Variants in PPM1L observed in about 807,000 individuals in gnomAD.
PPM1L encodes the protein protein phosphatase, Mg2+/Mn2+ dependent 1L.
Under a neutral mutation model 31.4 loss-of-function variants are expected in PPM1L, and 13 were observed. The ratio of observed to expected loss-of-function variants is 0.41; its 90% CI spans 0.27 to 0.66. The LOEUF (loss-of-function observed/expected upper bound fraction) is 0.66, where lower values mean the gene tolerates loss of function less well. Ranked by LOEUF, PPM1L falls within the 30% of genes least tolerant of loss-of-function variation. The probability of loss-of-function intolerance (pLI) is 0.29; values close to 1 mark genes in which losing one functional copy is unlikely to be tolerated. For missense variants in PPM1L, 326 were observed against 453.7 expected, an observed-to-expected ratio of 0.72 and a Z score of 2.56; for synonymous variants, 184 against 175.4, an observed-to-expected ratio of 1.05 and a Z score of -0.39.
At position 161,073,901 on chromosome 3, in the gene PPM1L, A is replaced by G. The variant is rs1720020603; in HGVS notation, c.*4744A>G. On this transcript the variant is annotated 3_prime_UTR_variant, in exon 4 of 4. Coordinates refer to ENST00000498165, the MANE Select transcript of PPM1L (RefSeq NM_139245.4). ...ATGAATAATGAGCAAGAGCCCTGCCATAGCTAAATATGTCTCAAATTCATT... is the reference window on the plus strand; with the variant it reads ...ATGAATAATGAGCAAGAGCCCTGCCGTAGCTAAATATGTCTCAAATTCATT... 1 of 152,218 alleles carries G rather than the reference A, an allele frequency of 6.6e-6. No homozygotes were observed. The highest frequency in any genetic ancestry group is 6.5e-5 in the Admixed American group (1 of 15,280). 9.4% of individuals were successfully genotyped at this position (152,218 alleles called of 1,614,324 possible).
Position 160,807,750 on chromosome 3 carries a change from T to A in PPM1L, c.399+51043T>A, listed in dbSNP as rs140906850. Reference sequence around the variant, plus strand: ...AAGAGTTGAGGAAACATTTATGAATTGGGATTGCTTTTATTTTGGAGAATA... The same window carrying A: ...AAGAGTTGAGGAAACATTTATGAATAGGGATTGCTTTTATTTTGGAGAATA... On this transcript the variant is annotated intron_variant, in intron 1 of 3. Transcript: ENST00000498165. Among the ~76,000 whole-genome samples, 25 of 151,820 alleles carry A rather than the reference T, an allele frequency of 1.6e-4. No homozygotes were observed. The East Asian group carries it at 4.8e-3, about 29-fold the overall frequency.
intron 1 of PPM1L, among the ~76,000 whole-genome samples, chr3:160,784,584 G>A (rs1210633575): frequency 1.3e-5 from 2 of 152,176 alleles, no homozygotes; most frequent in Non-Finnish European, 2.9e-5. Flanking sequence ...AGGCTTTAAA[G>A]TTTACCTTGT....
At chr3:160,844,628 A>G (rs956719896) in intron 1 of PPM1L, among the ~76,000 whole-genome samples, 1 of 152,054 alleles carries the variant, frequency 6.6e-6, no homozygotes. Context: ...ATGATTTACA[A>G]CTTGTTAGTT....
intron 2 of PPM1L, among the ~76,000 whole-genome samples, chr3:160,984,472 T>C (rs369134542): frequency 3.5e-4 from 54 of 152,306 alleles, no homozygotes; most frequent in African/African-American, 1.3e-3. Flanking sequence ...AAACAATTTG[T>C]GCAGTTAACA....
intron 1 of PPM1L, among the ~76,000 whole-genome samples, chr3:160,811,804 T>C (rs924644422): frequency 1.3e-5 from 2 of 152,172 alleles, no homozygotes; most frequent in Non-Finnish European, 2.9e-5. Context: ...TTCCACTTAA[T>C]AGGATCATAG....
intron 1 of PPM1L, among the ~76,000 whole-genome samples, chr3:160,919,950 T>C (rs1714331080): frequency 6.6e-6 from 1 of 152,120 alleles, no homozygotes; most frequent in South Asian, 2.1e-4. Context: ...TTCCCCAGCT[T>C]TCTCCCCACA....
At chr3:160,960,566 G>T (rs1252518042) in intron 1 of PPM1L, among the ~76,000 whole-genome samples, 1,603 of 10,686 alleles carry the variant, frequency 0.15, 39 homozygotes, top group Middle Eastern at 0.3. Flanking sequence ...TTTTGTGTGT[G>T]TGTGTGTGTG....
rs1487155535 is a variant in PPM1L at position 161,063,105 on chromosome 3, G to T, written c.575-2298G>T. On this transcript the variant is annotated intron_variant, in intron 2 of 3. Transcript: ENST00000498165. Reference sequence around the variant, plus strand: ...ATTTTACCTTTCAAACTCTAAGACTGTGCCTTATAGGAGAATTTATGCTAT... The same window carrying T: ...ATTTTACCTTTCAAACTCTAAGACTTTGCCTTATAGGAGAATTTATGCTAT... Among the ~76,000 whole-genome samples the T allele has an allele frequency of 3.9e-5, 6 of 152,118 alleles. No homozygotes were observed. The East Asian group carries it at 1.2e-3, about 29-fold the overall frequency.
chr3:160,816,557 A>T (rs1383734398), intron 1 of PPM1L, among the ~76,000 whole-genome samples: 1 of 151,596 alleles, frequency 6.6e-6, no homozygotes, highest in African/African-American at 2.4e-5. Context: ...AAAATTTCCC[A>T]GGTTCCTTAA....
chr3:161,066,580 G>C (rs905244687), intron 3 of PPM1L, among the ~76,000 whole-genome samples: 2 of 152,148 alleles, frequency 1.3e-5, no homozygotes, highest in African/African-American at 4.8e-5. Context: ...TTCATAATTC[G>C]ATTTCAGAGA....
intron 2 of PPM1L, among the ~76,000 whole-genome samples, chr3:160,975,015 T>G (rs867091072): frequency 0.019 from 2,830 of 152,168 alleles, 77 homozygotes; most frequent in African/African-American, 0.063. Flanking sequence ...GGTCTAACAT[T>G]TAAGTCTTTA....
intron 2 of PPM1L, among the ~76,000 whole-genome samples, chr3:161,003,049 C>T (rs1717559758): frequency 6.6e-6 from 1 of 150,498 alleles, no homozygotes; most frequent in South Asian, 2.1e-4. Flanking sequence ...TTTCAGCTTT[C>T]TACATATGGC....
At chr3:160,987,967 A>G (rs1205697681) in intron 2 of PPM1L, among the ~76,000 whole-genome samples, 1 of 152,198 alleles carries the variant, frequency 6.6e-6, no homozygotes, top group Non-Finnish European at 1.5e-5. Flanking sequence ...GGCCAGGCTT[A>G]TATGGCGGAA....
intron 2 of PPM1L, among the ~76,000 whole-genome samples, chr3:161,041,385 G>A (rs1281372233): frequency 1.3e-5 from 2 of 152,132 alleles, no homozygotes; most frequent in Admixed American, 6.5e-5. Context: ...GCACATGTTC[G>A]CAGGATCTCC....
At chr3:160,989,632 G>A (rs956158697) in intron 2 of PPM1L, among the ~76,000 whole-genome samples, 3 of 151,856 alleles carry the variant, frequency 2.0e-5, no homozygotes, top group Admixed American at 6.6e-5. Context: ...AAAGTGCTAG[G>A]GTCACAGGCG....
chr3:160,843,316 G>T (rs933368735), intron 1 of PPM1L, among the ~76,000 whole-genome samples: 3 of 149,992 alleles, frequency 2.0e-5, no homozygotes, highest in Admixed American at 6.7e-5. Context: ...TCCAACCCGC[G>T]GTCCATGTGC....
intron 1 of PPM1L, among the ~76,000 whole-genome samples, chr3:160,814,837 A>G (rs1712947049): frequency 6.6e-6 from 1 of 152,064 alleles, no homozygotes; most frequent in Non-Finnish European, 1.5e-5. Flanking sequence ...AAGGAATGAA[A>G]TAATGGCATT....
chr3:160,994,963 G>A (rs1717260294), intron 2 of PPM1L, among the ~76,000 whole-genome samples: 1 of 152,178 alleles, frequency 6.6e-6, no homozygotes, highest in African/African-American at 2.4e-5. Context: ...CAAGGACCCT[G>A]AGGTGGGACA....
chr3:160,786,155 CTCTGTGTGTGTG>C (rs1466449297), intron 1 of PPM1L, among the ~76,000 whole-genome samples: 22 of 83,214 alleles, frequency 2.6e-4, no homozygotes, highest in African/African-American at 1.9e-3. Flanking sequence ...CTCTCTCTCT[CTCTGTGTGTGTG>C]TGTGTGTGTG....
Sources: gnomAD v4.1 joint callset for allele counts (sites outside exome capture counted in the v4.1 genomes callset) on GRCh38, gnomAD v4.1.1 for gene constraint, MANE v1.5 for transcripts, NCBI Gene and HGNC (gene_info 2026-07-23, HGNC 2026-07-21) for gene names.